The following ARK2C variants were observed in gnomAD, a reference collection of about 807,000 sequenced individuals.
ARK2C encodes arkadia (RNF111) C-terminal like ring finger ubiquitin ligase 2C.
At chr18:46,366,535 G>A in the ARK2C span, among the ~76,000 whole-genome samples, 2 of 152,098 alleles carry the variant, frequency 1.3e-5, no homozygotes, top group African/African-American at 4.8e-5. Context: ...ATTGCTCACT[G>A]GTTTTCTTCT....
At chr18:46,433,166 G>C in the ARK2C span, 4 of 1,536,004 alleles carry the variant, frequency 2.6e-6, no homozygotes, top group Non-Finnish European at 3.5e-6. Flanking sequence ...TCGTCATGGA[G>C]ATGTCTCTGT....
the ARK2C span, among the ~76,000 whole-genome samples, chr18:46,431,694 C>G: frequency 6.6e-6 from 1 of 152,232 alleles, no homozygotes; most frequent in African/African-American, 2.4e-5. Flanking sequence ...ACCCCCACTC[C>G]TATTGGAGCC....
At chr18:46,458,865 AG>A in the ARK2C span, 1 of 152,388 alleles carries the variant, frequency 6.6e-6, no homozygotes, top group East Asian at 1.9e-4. Context: ...ATTCAGGGTT[AG>A]CAGCAATGAG....
the ARK2C span, among the ~76,000 whole-genome samples, chr18:46,371,831 CA>C: frequency 3.3e-5 from 5 of 152,174 alleles, no homozygotes; most frequent in African/African-American, 1.2e-4. Flanking sequence ...TACCTGTGTC[CA>C]AGGCCCTTTC....
At chr18:46,399,425 G>A in the ARK2C span, among the ~76,000 whole-genome samples, 1 of 152,214 alleles carries the variant, frequency 6.6e-6, no homozygotes, top group African/African-American at 2.4e-5. Flanking sequence ...GGGCCTCCAG[G>A]GAATGTGTGC....
the ARK2C span, among the ~76,000 whole-genome samples, chr18:46,373,388 G>A: frequency 6.6e-6 from 1 of 152,252 alleles, no homozygotes; most frequent in African/African-American, 2.4e-5. Flanking sequence ...GTACAGGAGG[G>A]ACTGGGCAAG....
the ARK2C span, among the ~76,000 whole-genome samples, chr18:46,339,143 G>A: frequency 6.6e-6 from 1 of 152,192 alleles, no homozygotes; most frequent in Non-Finnish European, 1.5e-5. Context: ...GTCCTCTGAA[G>A]ATTTTGTTTG....
At chr18:46,403,337 T>C in the ARK2C span, among the ~76,000 whole-genome samples, 1 of 152,188 alleles carries the variant, frequency 6.6e-6, no homozygotes, top group Non-Finnish European at 1.5e-5. Flanking sequence ...CACAGAAGCC[T>C]GTGCTGTGCT....
At chr18:46,334,606 C>T in the ARK2C span, 41 of 487,978 alleles carry the variant, frequency 8.4e-5, no homozygotes, top group African/African-American at 2.3e-4. This position sits in a 1 kb window ranked among gnomAD's most constrained non-coding sequence, Gnocchi z 4.4. Context: ...ACGTGGTTCC[C>T]CCAAATCACA....
the ARK2C span, chr18:46,450,845 G>A: frequency 2.8e-6 from 4 of 1,427,110 alleles, no homozygotes; most frequent in South Asian, 3.5e-5. Flanking sequence ...GAATGGGGCA[G>A]GGGGGTTGTC....
At chr18:46,341,483 A>T in the ARK2C span, among the ~76,000 whole-genome samples, 4 of 152,178 alleles carry the variant, frequency 2.6e-5, no homozygotes, top group African/African-American at 7.2e-5. Context: ...CAAACGGGGA[A>T]CATGGGAGGA....
the ARK2C span, among the ~76,000 whole-genome samples, chr18:46,346,871 A>G: frequency 6.6e-6 from 1 of 152,146 alleles, no homozygotes; most frequent in Non-Finnish European, 1.5e-5. Flanking sequence ...GGCTGGGCAT[A>G]TTTCAGCTTA....
chr18:46,377,335 C>T, the ARK2C span, among the ~76,000 whole-genome samples: 9 of 152,282 alleles, frequency 5.9e-5, no homozygotes, highest in East Asian at 1.5e-3. Flanking sequence ...TATGGGAACT[C>T]GCTATATGCC....
chr18:46,453,858 G>A, the ARK2C span, among the ~76,000 whole-genome samples: 3,698 of 151,922 alleles, frequency 0.024, 148 homozygotes, highest in African/African-American at 0.086. Context: ...GGGCACACTG[G>A]CTCATGCACT....
the ARK2C span, among the ~76,000 whole-genome samples, chr18:46,396,939 G>C: frequency 6.6e-6 from 1 of 152,244 alleles, no homozygotes; most frequent in Non-Finnish European, 1.5e-5. Flanking sequence ...GGGCAGCCTG[G>C]GGGGTTCCCC....
the ARK2C span, among the ~76,000 whole-genome samples, chr18:46,422,893 C>T: frequency 2.0e-5 from 3 of 152,164 alleles, no homozygotes; most frequent in African/African-American, 7.2e-5. Flanking sequence ...GACTCAAATC[C>T]GCCTACTGGA....
At chr18:46,452,047 G>C in the ARK2C span, among the ~76,000 whole-genome samples, 1 of 152,156 alleles carries the variant, frequency 6.6e-6, no homozygotes, top group Non-Finnish European at 1.5e-5. Context: ...GGGAGTGAAA[G>C]TATTTGGTAT....
the ARK2C span, chr18:46,337,697 C>G: frequency 1.2e-6 from 1 of 801,134 alleles, no homozygotes; most frequent in Non-Finnish European, 1.5e-6. Context: ...ATTGTCGTAT[C>G]CTGCTGTTTA....
At chr18:46,408,200 TAAAG>T in the ARK2C span, among the ~76,000 whole-genome samples, 1 of 152,186 alleles carries the variant, frequency 6.6e-6, no homozygotes, top group African/African-American at 2.4e-5. Flanking sequence ...TGGGGGCTGA[TAAAG>T]AGGCTGTGAT....
Sources: gnomAD v4.1 joint callset for allele counts (sites outside exome capture counted in the v4.1 genomes callset) on GRCh38, gnomAD v4.1.1 for gene constraint, Gnocchi (gnomAD v3.1) non-coding constraint, MANE v1.5 for transcripts, NCBI Gene and HGNC (gene_info 2026-07-23, HGNC 2026-07-21) for gene names.